The following DDAH1 variants were observed in gnomAD, a reference collection of about 807,000 sequenced individuals.
DDAH1 encodes the protein dimethylarginine dimethylaminohydrolase 1.
DDAH1 carries 19 observed loss-of-function variants against 28.8 expected under a neutral mutation model. The observed-to-expected ratio is 0.66, with a 90% CI of 0.46 to 0.97. The LOEUF (loss-of-function observed/expected upper bound fraction) is 0.97. Ranked by LOEUF, DDAH1 falls within the 50% of genes least tolerant of loss-of-function variation. DDAH1 has a pLI of 0.00. For synonymous variants in DDAH1, 153 were observed against 154.4 expected, an observed-to-expected ratio of 0.99 and a Z score of 0.07; for missense variants, 326 against 375.9, an observed-to-expected ratio of 0.87 and a Z score of 1.10.
chr1:85,501,993 A>G (rs1023933454), intron 1 of DDAH1, among the ~76,000 whole-genome samples: 2 of 152,100 alleles, frequency 1.3e-5, no homozygotes, highest in Non-Finnish European at 2.9e-5. Context: ...CATGCTTCCC[A>G]TGCCTAAATT....
In DDAH1 at chr1:85,426,088, G is replaced by T. The variant is rs754173615; in HGVS notation, c.303+38655C>A. Among the ~76,000 whole-genome samples the T allele has an allele frequency of 2.0e-5, 3 of 152,034 alleles. No homozygotes were observed. The South Asian group carries it at 6.2e-4, about 32-fold the overall frequency. ...AAGAATTAAATTGATGAATACATAC[G>T]TAACACTTATAACAGTGTCACAAAA... is the stretch of plus-strand genomic sequence containing the variant. On this transcript the variant is annotated intron_variant, in intron 1 of 5. Coordinates refer to ENST00000284031, the MANE Select transcript of DDAH1 (RefSeq NM_012137.4).
intron 2 of DDAH1, among the ~76,000 whole-genome samples, chr1:85,352,086 C>T (rs573450039): frequency 6.6e-6 from 1 of 152,246 alleles, no homozygotes; most frequent in African/African-American, 2.4e-5. Flanking sequence ...AACAGTTCCT[C>T]AAATAACATC....
At chr1:85,442,864 T>C (rs1654264633) in intron 1 of DDAH1, among the ~76,000 whole-genome samples, 1 of 152,216 alleles carries the variant, frequency 6.6e-6, no homozygotes, top group South Asian at 2.1e-4. Context: ...TTGCCCACTT[T>C]TTGATGGGGT....
chr1:85,505,986 C>T (rs1570619257), intron 1 of DDAH1, among the ~76,000 whole-genome samples: 2 of 152,298 alleles, frequency 1.3e-5, no homozygotes, highest in South Asian at 4.1e-4. Flanking sequence ...TGACTTTACA[C>T]CAGACACTGT....
chr1:85,333,192 G>A (rs1647890318), intron 4 of DDAH1, among the ~76,000 whole-genome samples: 1 of 152,164 alleles, frequency 6.6e-6, no homozygotes, highest in African/African-American at 2.4e-5. Context: ...GGCAGCCTAC[G>A]CCACTGAGGA....
chr1:85,384,753 T>G (rs1651166203), intron 1 of DDAH1, among the ~76,000 whole-genome samples: 2 of 152,166 alleles, frequency 1.3e-5, no homozygotes, highest in Non-Finnish European at 2.9e-5. Flanking sequence ...ATTTAAACAA[T>G]GAGGAACAAC....
rs146019989 is a variant in DDAH1, at chr1:85,381,718, T to C, written c.304-22871A>G. Among the ~76,000 whole-genome samples the C allele has an allele frequency of 2.3e-5, 3 of 132,538 alleles. No homozygotes were observed. In the East Asian group the frequency reaches 6.4e-4, roughly 28 times the overall value. 87.0% of individuals were successfully genotyped at this position (132,538 alleles called of 152,430 possible). A position where few individuals can be genotyped will look rare whatever the true frequency, so the allele number is the denominator to read the frequency against. ...TTGCTTTATTGTGATTTGCAGATAC[T>C]GTTTTTTTTTTTACAAATTGAAGGT... On this transcript the variant is annotated intron_variant, in intron 1 of 5. Transcript: ENST00000284031.
intron 1 of DDAH1, among the ~76,000 whole-genome samples, chr1:85,382,019 G>A (rs1651020125): frequency 6.6e-6 from 1 of 152,162 alleles, no homozygotes; most frequent in South Asian, 2.1e-4. Context: ...TGGCCTCCAA[G>A]TGTTCAAGTG....
chr1:85,551,278 T>C (rs1193468681), intron 1 of DDAH1, among the ~76,000 whole-genome samples: 1 of 152,218 alleles, frequency 6.6e-6, no homozygotes, highest in Non-Finnish European at 1.5e-5. Context: ...ATTGGGCTGC[T>C]CATGATACCT....
intron 1 of DDAH1, among the ~76,000 whole-genome samples, chr1:85,445,767 C>A (rs1654402604): frequency 1.3e-5 from 2 of 152,038 alleles, no homozygotes; most frequent in Non-Finnish European, 2.9e-5. Flanking sequence ...CCACAATTCC[C>A]AGATAATTTT....
At chr1:85,415,588 A>C (rs1170888511) in intron 1 of DDAH1, among the ~76,000 whole-genome samples, 1 of 152,236 alleles carries the variant, frequency 6.6e-6, no homozygotes, top group Admixed American at 6.5e-5. Context: ...AGTAATGTTA[A>C]GTAAAATAAG....
chr1:85,507,504 C>CAATAAATAAATAAATAAATAAATAAATA (rs773565540), intron 1 of DDAH1, among the ~76,000 whole-genome samples: 2 of 148,478 alleles, frequency 1.3e-5, no homozygotes, highest in African/African-American at 5.0e-5. Context: ...CCCTGCATCA[C>CAATAAATAAATAAATAAATAAATAAATA]AATAAATAAA....
chr1:85,509,169 C>G (rs1657136300), intron 1 of DDAH1, among the ~76,000 whole-genome samples: 1 of 150,792 alleles, frequency 6.6e-6, no homozygotes, highest in Non-Finnish European at 1.5e-5. Context: ...ATTTGCTGTT[C>G]TGCAGCCTAT....
intron 1 of DDAH1, among the ~76,000 whole-genome samples, chr1:85,419,574 A>G (rs1329824456): frequency 6.8e-6 from 1 of 147,856 alleles, no homozygotes; most frequent in African/African-American, 2.5e-5. Context: ...TGGGTAACAT[A>G]TTTTAAAAAT....
chr1:85,568,346 T>C (rs1557768938), intron 1 of DDAH1, among the ~76,000 whole-genome samples: 1 of 152,204 alleles, frequency 6.6e-6, no homozygotes, highest in East Asian at 1.9e-4. Flanking sequence ...TGGAATCAAA[T>C]AAAACAATAT....
intron 1 of DDAH1, among the ~76,000 whole-genome samples, chr1:85,428,210 G>A (rs1179866208): frequency 1.3e-5 from 2 of 152,110 alleles, no homozygotes; most frequent in Non-Finnish European, 2.9e-5. Context: ...GATTGGAGAC[G>A]GCATTAGTCT....
At chr1:85,559,455 A>G (rs2100802755) in intron 1 of DDAH1, among the ~76,000 whole-genome samples, 1 of 152,212 alleles carries the variant, frequency 6.6e-6, no homozygotes, top group East Asian at 1.9e-4. Flanking sequence ...TTCAGTTAAA[A>G]ATTACTGGAC....
chr1:85,469,678 G>C (rs913270965), upstream of DDAH1, among the ~76,000 whole-genome samples: 2 of 152,126 alleles, frequency 1.3e-5, no homozygotes, highest in Non-Finnish European at 1.5e-5. Context: ...TGCTTTCCAG[G>C]AGAATTTGTG....
At chr1:85,544,971 T>G (rs1346846347) in intron 1 of DDAH1, among the ~76,000 whole-genome samples, 1 of 152,150 alleles carries the variant, frequency 6.6e-6, no homozygotes, top group Non-Finnish European at 1.5e-5. Context: ...TAACTCAACA[T>G]GTTTATTTAA....
Sources: gnomAD v4.1 joint callset for allele counts (sites outside exome capture counted in the v4.1 genomes callset) on GRCh38, gnomAD v4.1.1 for gene constraint, MANE v1.5 for transcripts, NCBI Gene and HGNC (gene_info 2026-07-23, HGNC 2026-07-21) for gene names.